The following CUL3 variants were observed in gnomAD, a reference collection of about 807,000 sequenced individuals.
The protein encoded by CUL3 is cullin-3.
In CUL3, 19 loss-of-function variants were observed where a neutral mutation model predicts 89.1. The observed-to-expected ratio is 0.21, with a 90% CI of 0.15 to 0.31. CUL3 has a LOEUF of 0.31. Among genes scored for constraint, CUL3 ranks in the 10% least tolerant of loss-of-function variants. The pLI is 1.00. For synonymous variants in CUL3, 351 were observed against 308.4 expected (o/e 1.14, Z -1.45); for missense variants, 469 against 942.3 (o/e 0.50, Z 6.58).
intron 15 of CUL3, among the ~76,000 whole-genome samples, chr2:224,475,179 G>A (rs776639590): frequency 3.3e-5 from 5 of 151,912 alleles, no homozygotes; most frequent in Non-Finnish European, 5.9e-5. Flanking sequence ...CACCACACCC[G>A]GCTAATTTTT....
chr2:224,536,683 C>T (rs185130723), intron 2 of CUL3, among the ~76,000 whole-genome samples: 1 of 152,222 alleles, frequency 6.6e-6, no homozygotes, highest in Non-Finnish European at 1.5e-5. Flanking sequence ...AATGTCTTTC[C>T]AATCCAACCC....
rs1164075604 is a variant in CUL3, at chr2:224,471,631, T to C, written c.*2614A>G. Reference sequence around the variant, plus strand: ...GCATACCTTTAGAAAGGCATGCATCTCTTCCCCCATTCCCTTTTTAAGTTC... The same window carrying C: ...GCATACCTTTAGAAAGGCATGCATCCCTTCCCCCATTCCCTTTTTAAGTTC... On this transcript the variant is annotated 3_prime_UTR_variant, in exon 16 of 16. Transcript: ENST00000264414. 9.4e-6 allele frequency: 2 copies of C among 211,790 alleles called. No homozygotes were observed. The highest frequency in any genetic ancestry group is 1.9e-5 in the Non-Finnish European group (2 of 104,658). The allele number at this position is 211,790 out of a possible 1,614,324, so 13.1% of individuals were successfully genotyped here. A position where few individuals can be genotyped will look rare whatever the true frequency, so the allele number is the denominator to read the frequency against.
At chr2:224,499,097 T>C (rs1275340785) in intron 11 of CUL3, among the ~76,000 whole-genome samples, 1 of 152,228 alleles carries the variant, frequency 6.6e-6, no homozygotes, top group Non-Finnish European at 1.5e-5. Context: ...ATATCTTTAG[T>C]TTCTGTACAA....
intron 2 of CUL3, among the ~76,000 whole-genome samples, chr2:224,538,108 T>C (rs532593823): frequency 5.3e-5 from 8 of 152,214 alleles, no homozygotes; most frequent in African/African-American, 1.7e-4. Flanking sequence ...TAGCAGAAAA[T>C]AGCTACAATT....
At chr2:224,504,233 C>G (rs1407641252) in intron 8 of CUL3, 1 of 155,916 alleles carries the variant, frequency 6.4e-6, no homozygotes, top group African/African-American at 2.4e-5. Context: ...CTGAAAGCCT[C>G]AACTGTGCAA....
At chr2:224,488,680 AG>A (rs1344705500) in intron 13 of CUL3, among the ~76,000 whole-genome samples, 5 of 152,306 alleles carry the variant, frequency 3.3e-5, no homozygotes, top group African/African-American at 1.2e-4. Context: ...TTCTACCAGA[AG>A]TACAAAGAGG....
intron 2 of CUL3, among the ~76,000 whole-genome samples, chr2:224,545,429 T>C (rs1218042826): frequency 1.3e-5 from 2 of 152,154 alleles, no homozygotes; most frequent in Non-Finnish European, 2.9e-5. Flanking sequence ...TACATAGTAA[T>C]GTAACTTAAC....
At chr2:224,543,889 G>A (rs963308801) in intron 2 of CUL3, among the ~76,000 whole-genome samples, 2 of 152,144 alleles carry the variant, frequency 1.3e-5, no homozygotes, top group African/African-American at 2.4e-5. Flanking sequence ...GGAGGCTGAG[G>A]TGGGAGGATC....
intron 2 of CUL3, among the ~76,000 whole-genome samples, chr2:224,551,540 A>T (rs1226472618): frequency 6.9e-6 from 1 of 143,992 alleles, no homozygotes; most frequent in African/African-American, 2.6e-5. Context: ...ACAAGGTCTC[A>T]CTATGTTGCT....
intron 13 of CUL3, among the ~76,000 whole-genome samples, 182 bp from the exon 14 acceptor site, chr2:224,482,260 A>G (rs747562699): frequency 6.6e-6 from 1 of 152,148 alleles, no homozygotes; most frequent in Non-Finnish European, 1.5e-5. Flanking sequence ...AACAAACGAG[A>G]GGAAAGGGTG....
Position 224,522,356 on chromosome 2 carries a change from G to T in CUL3, c.379-7584C>A, listed in dbSNP as rs527250394. Among the ~76,000 whole-genome samples the T allele has an allele frequency of 6.9e-4, 105 of 152,278 alleles. 1 individual carries two copies. The highest frequency in any genetic ancestry group is 1.2e-3 in the Non-Finnish European group (79 of 68,010). On this transcript the variant is annotated intron_variant, in intron 3 of 15. Coordinates refer to ENST00000264414, the MANE Select transcript of CUL3 (RefSeq NM_003590.5). Reference sequence around the variant, plus strand: ...AATTATAATTAGATCGAAGTTTAAAGAACTTTCTCAATACTTTCCATGATA... The same window carrying T: ...AATTATAATTAGATCGAAGTTTAAATAACTTTCTCAATACTTTCCATGATA...
At chr2:224,533,554 A>G (rs186785726) in intron 3 of CUL3, among the ~76,000 whole-genome samples, 49 of 152,362 alleles carry the variant, frequency 3.2e-4, no homozygotes, top group African/African-American at 1.1e-3. Context: ...ATAAAATTTT[A>G]AAGTTCTTCT....
At chr2:224,493,634 T>G (rs1219947326) in intron 13 of CUL3, among the ~76,000 whole-genome samples, 1 of 152,246 alleles carries the variant, frequency 6.6e-6, no homozygotes, top group African/African-American at 2.4e-5. Context: ...CTTGAACCAC[T>G]AAATTTTCCA....
chr2:224,503,147 T>A, intron 9 of CUL3, 75 bp from the exon 10 acceptor site: 1 of 913,504 alleles, frequency 1.1e-6, no homozygotes, highest in Non-Finnish European at 1.8e-6. Context: ...AGAAATAAAT[T>A]ATTTCATGTT....
At chr2:224,496,998 C>T (rs2106182516) in intron 12 of CUL3, among the ~76,000 whole-genome samples, 2 of 152,210 alleles carry the variant, frequency 1.3e-5, no homozygotes, top group Admixed American at 1.3e-4. Flanking sequence ...AGCACTATTT[C>T]CCATTTCAAT....
intron 6 of CUL3, among the ~76,000 whole-genome samples, chr2:224,507,392 G>A (rs1475605298): frequency 6.6e-5 from 10 of 151,992 alleles, no homozygotes; most frequent in African/African-American, 1.7e-4. Flanking sequence ...ACTACAAAAC[G>A]TCTACAAAAA....
chr2:224,530,977 G>C (rs1333178647), intron 3 of CUL3, among the ~76,000 whole-genome samples: 1 of 151,358 alleles, frequency 6.6e-6, no homozygotes, highest in African/African-American at 2.4e-5. Flanking sequence ...ATTAAGCCTA[G>C]AACACTACAC....
intron 2 of CUL3, among the ~76,000 whole-genome samples, chr2:224,543,514 T>C (rs1182861722): frequency 2.0e-5 from 3 of 152,324 alleles, no homozygotes; most frequent in African/African-American, 7.2e-5. Flanking sequence ...GAATATCACT[T>C]ATCCAAAACA....
intron 14 of CUL3, among the ~76,000 whole-genome samples, chr2:224,480,661 T>C (rs1325707947): frequency 6.6e-6 from 1 of 152,160 alleles, no homozygotes; most frequent in African/African-American, 2.4e-5. Flanking sequence ...CAGTTACTTA[T>C]TTAGGGTACA....
Sources: gnomAD v4.1 joint callset for allele counts (sites outside exome capture counted in the v4.1 genomes callset) on GRCh38, gnomAD v4.1.1 for gene constraint, MANE v1.5 for transcripts, NCBI Gene and HGNC (gene_info 2026-07-23, HGNC 2026-07-21) for gene names.